NADK: variants seen among roughly 807,000 people sequenced by gnomAD.
The protein encoded by NADK is poly(P)/ATP NAD kinase.
In NADK, 22 loss-of-function variants were observed where a neutral mutation model predicts 49.8. The ratio of observed to expected loss-of-function variants is 0.44; its 90% CI spans 0.32 to 0.63. The LOEUF is 0.63. NADK is among the 30% of genes least tolerant of loss of function. The pLI, the probability that NADK is intolerant of heterozygous loss-of-function variation, is 0.06. For missense variants in NADK, 438 were observed against 609.4 expected (o/e 0.72, Z 2.96); for synonymous variants, 268 against 253.7 (o/e 1.06, Z -0.54).
chr1:1,762,027 C>T lies in NADK; in HGVS notation c.188G>A (p.Arg63His), dbSNP rs776728824. 14 of 1,613,794 alleles carry T rather than the reference C, an allele frequency of 8.7e-6. No individual in the cohort carries two copies. The highest frequency in any genetic ancestry group is 1.7e-5 in the Admixed American group (1 of 60,002). Reference protein sequence around the residue: ...LGSTKEFRRTRSLHGPCPVTT... With the variant: ...LGSTKEFRRTHSLHGPCPVTT... Reference sequence around the variant, plus strand: ...CACCGGGCATGGCCCATGAAGAGAGCGTGTCCTCCTGTGGGGAGAGGGCAG... The same window carrying T: ...CACCGGGCATGGCCCATGAAGAGAGTGTGTCCTCCTGTGGGGAGAGGGCAG... The change falls in exon 3 of 12, where the codon CGC (arginine) becomes CAC (histidine). Residue 63 changes from arginine (R) to histidine (H), a missense_variant. Transcript: ENST00000341426.
At chr1:1,755,263 C>T (rs1570505567) in intron 7 of NADK, 111 bp downstream of exon 7, 4 of 780,102 alleles carry the variant, frequency 5.1e-6, no homozygotes, top group East Asian at 4.9e-5. Context: ...AATCTTGAAA[C>T]CTTTAAATGT....
chr1:1,760,032 CT>C (rs1357634981), intron 3 of NADK: 2 of 972,972 alleles, frequency 2.1e-6, no homozygotes, highest in Non-Finnish European at 3.1e-6. Flanking sequence ...GTGGAGCACT[CT>C]GGGTCACCCA....
At position 1,754,240 on chromosome 1, in the gene NADK, C is replaced by T. The variant is rs1202377030; in HGVS notation, c.944-32G>A. The T allele has an allele frequency of 1.9e-5, 31 of 1,613,166 alleles. No homozygotes were observed. The highest frequency in any genetic ancestry group is 3.3e-5 in the South Asian group (3 of 91,064). ...GGGACAGGCGCAGGCGTCACTCCCG[C>T]CCGAGGGACGCTCAGGGCCCCAGGA... On this transcript the variant is annotated intron_variant, in intron 9 of 11. Transcript: ENST00000341426. The surrounding 1 kb of genome is among the most constrained non-coding windows in gnomAD (Gnocchi z 4.3).
At chr1:1,766,403 T>C (rs1451900518) in intron 1 of NADK, among the ~76,000 whole-genome samples, 1 of 15,314 alleles carries the variant, frequency 6.5e-5, no homozygotes, top group African/African-American at 1.8e-4. Flanking sequence ...CGAAAGAAAC[T>C]CCGTCTCAAA....
intron 4 of NADK, 35 bp downstream of exon 4, chr1:1,757,146 G>GCCCCCCCC: frequency 1.3e-6 from 2 of 1,524,056 alleles, no homozygotes; most frequent in Non-Finnish European, 1.8e-6. Context: ...AACTCCATGT[G>GCCCCCCCC]CACCCCAGGC....
At position 1,754,580 on chromosome 1, in the gene NADK, C is replaced by G; in HGVS notation, c.807G>C (p.Leu269=). The G allele has an allele frequency of 6.2e-7, 1 of 1,613,302 alleles. No individual in the cohort carries two copies. Among genetic ancestry groups the G allele is most frequent in the South Asian group, 1.1e-5 (1 of 91,032 alleles). Residue 269 remains leucine (L), a synonymous_variant, in exon 8 of 12, where the codon CTG becomes CTC. Transcript: ENST00000341426. The surrounding 1 kb of genome is among the most constrained non-coding windows in gnomAD (Gnocchi z 4.3). ...TGGCCTGCTTCCCGACATCCATGTC[C>G]AGGCCTGCAGCCTGCGAGCCGTTCT... The part of the protein sequence containing the change: ...LGENGSQAAG[L]DMDVGKQAMQ...
chr1:1,762,116 C>T lies in NADK; in HGVS notation c.180-81G>A, dbSNP rs1645743222. ...ACAGACACAGATACAGAGGAGGTTA[C>T]ACGGTAAGGCATACATGCAATTTGA... On this transcript the variant is annotated intron_variant, in intron 2 of 11. Transcript: ENST00000341426. The T allele has an allele frequency of 4.2e-6, 5 of 1,181,304 alleles. No individual in the cohort carries two copies. The African/African-American group carries it at 6.0e-5, about 14-fold the overall frequency. 73.2% of individuals were successfully genotyped at this position (1,181,304 alleles called of 1,614,324 possible). A position where few individuals can be genotyped will look rare whatever the true frequency, so the allele number is the denominator to read the frequency against.
At chr1:1,759,197 C>G (rs545225553) in intron 3 of NADK, 33 of 1,572,196 alleles carry the variant, frequency 2.1e-5, no homozygotes, top group Non-Finnish European at 2.8e-5. Context: ...AGGCACCCAC[C>G]GCTGTGTGTG....
Position 1,773,697 on chromosome 1 carries a change from T to C in NADK, c.-41+4592A>G, listed in dbSNP as rs1362433811. Reference sequence around the variant, plus strand: ...TATTTTGTGTGTGTGTGTGTGTGTGTGTGTGTGTGTGTGTGTGTGTGTGTG... The same window carrying C: ...TATTTTGTGTGTGTGTGTGTGTGTGCGTGTGTGTGTGTGTGTGTGTGTGTG... On this transcript the variant is annotated intron_variant, in intron 1 of 11. Coordinates refer to ENST00000341426, the MANE Select transcript of NADK (RefSeq NM_023018.5). 2.5e-3 allele frequency among the ~76,000 whole-genome samples: 246 copies of C among 96,976 alleles called. 3 individuals are homozygous for C. Among genetic ancestry groups the C allele is most frequent in the African/African-American group, 6.8e-3 (225 of 33,182 alleles). The allele number at this position is 96,976 out of a possible 152,430, so 63.6% of individuals were successfully genotyped here.
intron 1 of NADK, among the ~76,000 whole-genome samples, chr1:1,777,310 T>C (rs1284267922): frequency 6.6e-6 from 1 of 151,934 alleles, no homozygotes; most frequent in South Asian, 2.1e-4. Context: ...GAGAGGACAA[T>C]GTTCAGGGGA....
At chr1:1,759,844 C>T (rs1645660412) in intron 3 of NADK, 4 of 1,551,094 alleles carry the variant, frequency 2.6e-6, no homozygotes, top group South Asian at 1.2e-5. Flanking sequence ...CCGCCCTGGC[C>T]CGAGTGACTG....
At chr1:1,769,243 C>T (rs780466535) in intron 1 of NADK, among the ~76,000 whole-genome samples, 2 of 152,172 alleles carry the variant, frequency 1.3e-5, no homozygotes, top group Non-Finnish European at 2.9e-5. Context: ...CATGATGAAA[C>T]CCTGTCTCGA....
rs1645372387 is a variant in NADK, at chr1:1,752,931, C to T, written c.1314G>A (p.Glu438=). The change falls in exon 12 of 12, where the codon GAG becomes GAA. Residue 438 remains glutamate (E), a synonymous_variant. Transcript: ENST00000341426. ...NVRKKQAHFE[E]EEEEEEEG is the part of the protein sequence containing the mutation. Reference sequence around the variant, plus strand: ...AGCCCTCCTCCTCCTCCTCCTCCTCCTCCTCGAAGTGGGCTTGCTTCTTCC... The same window carrying T: ...AGCCCTCCTCCTCCTCCTCCTCCTCTTCCTCGAAGTGGGCTTGCTTCTTCC... The T allele has an allele frequency of 6.2e-7, 1 of 1,603,224 alleles. No individual in the cohort carries two copies. The highest frequency in any genetic ancestry group is 8.5e-7 in the Non-Finnish European group (1 of 1,175,234).
At chr1:1,755,561 C>A in intron 6 of NADK, 85 bp from the exon 7 acceptor site, 2 of 996,250 alleles carry the variant, frequency 2.0e-6, no homozygotes, top group Non-Finnish European at 1.6e-6. Flanking sequence ...CAGGAGGGAC[C>A]CAGCTCTGTG....
Position 1,765,041 on chromosome 1 carries a change from C to T in NADK, c.179+187G>A, listed in dbSNP as rs1455491886. 4.6e-5 allele frequency among the ~76,000 whole-genome samples: 7 copies of T among 152,268 alleles called. 1 individual carries two copies. Among genetic ancestry groups the T allele is most frequent in the Non-Finnish European group, 7.3e-5 (5 of 68,036 alleles). ...GCCTGTGCTGGCACCTGGGAACGTG[C>T]GCCAGGCAGGTGTCCATGGGCCAGG... On this transcript the variant is annotated intron_variant, in intron 2 of 11. Coordinates refer to ENST00000341426, the MANE Select transcript of NADK (RefSeq NM_023018.5).
chr1:1,756,951 C>T (rs1421185343), intron 4 of NADK: 2 of 841,766 alleles, frequency 2.4e-6, no homozygotes, highest in African/African-American at 1.7e-5. Context: ...TCCCGGCCTC[C>T]AGGGCCACGA....
At position 1,758,533 on chromosome 1, in the gene NADK, G is replaced by A. The variant is rs761495872; in HGVS notation, c.264-1223C>T. 2.0e-5 allele frequency: 32 copies of A among 1,605,186 alleles called. No individual in the cohort carries two copies. In the East Asian group the frequency reaches 2.2e-4, roughly 11 times the overall value. ...TTGGCGAACACGCGGCCGCCCCATCGGTATGGTCCTGACTGTGCGCCCACA... is the reference window on the plus strand; with the variant it reads ...TTGGCGAACACGCGGCCGCCCCATCAGTATGGTCCTGACTGTGCGCCCACA... On this transcript the variant is annotated intron_variant, in intron 3 of 11. Transcript: ENST00000341426.
At chr1:1,774,189 A>G (rs1209871114) in intron 1 of NADK, among the ~76,000 whole-genome samples, 11 of 151,276 alleles carry the variant, frequency 7.3e-5, no homozygotes, top group Admixed American at 7.3e-4. Flanking sequence ...ACACACACAC[A>G]TATATATATA....
At chr1:1,779,582 G>A (rs533906927), upstream of NADK, among the ~76,000 whole-genome samples, 7 of 152,130 alleles carry the variant, frequency 4.6e-5, no homozygotes, top group African/African-American at 1.7e-4. Context: ...AGGTGCAAGC[G>A]ATCCTTCCAC....
Sources: gnomAD v4.1 joint callset for allele counts (sites outside exome capture counted in the v4.1 genomes callset) on GRCh38, gnomAD v4.1.1 for gene constraint, Gnocchi (gnomAD v3.1) non-coding constraint, MANE v1.5 for transcripts, NCBI Gene and HGNC (gene_info 2026-07-23, HGNC 2026-07-21) for gene names.